CPB1: variants seen among roughly 807,000 people sequenced by gnomAD.
CPB1 encodes carboxypeptidase B.
Under a neutral mutation model 51.4 loss-of-function variants are expected in CPB1, and 53 were observed. That is an observed-to-expected ratio of 1.03 (90% confidence interval 0.83 to 1.30). The LOEUF (loss-of-function observed/expected upper bound fraction) is 1.30. CPB1 is among the 50% of genes most tolerant of loss of function. The pLI is 0.00. For synonymous variants in CPB1, 189 were observed against 186.9 expected, an observed-to-expected ratio of 1.01 and a Z score of -0.09; for missense variants, 494 against 516.2, an observed-to-expected ratio of 0.96 and a Z score of 0.42.
intron 3 of CPB1, among the ~76,000 whole-genome samples, chr3:148,837,580 A>C (rs1284626575): frequency 6.6e-6 from 1 of 151,970 alleles, no homozygotes; most frequent in Non-Finnish European, 1.5e-5. Flanking sequence ...GCTGTGAGGC[A>C]TTGTTTTAAT....
chr3:148,836,477 A>G lies in CPB1; in HGVS notation c.272+1855A>G, dbSNP rs367976963. Among the ~76,000 whole-genome samples, 177 of 152,356 alleles carry G rather than the reference A, an allele frequency of 1.2e-3. 5 individuals carry two copies. The South Asian group carries it at 0.036, about 31-fold the overall frequency. ...AGATCAGCGACCATAGATTAACCCTAGCTACCTGAATGATGTCTTAATTCT... is the reference window on the plus strand; with the variant it reads ...AGATCAGCGACCATAGATTAACCCTGGCTACCTGAATGATGTCTTAATTCT... On this transcript the variant is annotated intron_variant, in intron 3 of 10. Transcript: ENST00000282957.
At chr3:148,831,404 G>A (rs1712733128) in intron 2 of CPB1, among the ~76,000 whole-genome samples, 1 of 152,130 alleles carries the variant, frequency 6.6e-6, no homozygotes, top group South Asian at 2.1e-4. Flanking sequence ...ATTTCACCAA[G>A]ATAAATGAAA....
intron 2 of CPB1, 86 bp downstream of exon 2, chr3:148,828,163 A>C (rs1712628665): frequency 9.5e-6 from 10 of 1,049,246 alleles, no homozygotes; most frequent in Non-Finnish European, 1.4e-5. Context: ...AAAACATGAA[A>C]TATTAACTAT....
chr3:148,837,044 CTG>C (rs1426177455), intron 3 of CPB1, among the ~76,000 whole-genome samples: 4 of 152,222 alleles, frequency 2.6e-5, no homozygotes, highest in South Asian at 2.1e-4. Context: ...AGAAAGATAA[CTG>C]TAATTTTCAA....
rs376486004 is a variant in CPB1, at chr3:148,844,680, C to T, written c.691C>T (p.Arg231Ter). 1.4e-5 allele frequency: 22 copies of T among 1,613,670 alleles called. No individual in the cohort carries two copies. Among genetic ancestry groups the T allele is most frequent in the African/African-American group, 6.7e-5 (5 of 74,866 alleles). Residue 231 changes from arginine (R) to a stop codon, truncating the protein, a stop_gained, in exon 8 of 11, where the codon CGA becomes TGA. Coordinates refer to ENST00000282957, the MANE Select transcript of CPB1 (RefSeq NM_001871.3). LOFTEE classifies it high-confidence loss of function. ...DGYIYTWTKS[R>*]FWRKTRSTHT... is the part of the protein sequence containing the mutation. ...TAACTATGTAGTCCACTTTCAGAGC[C>T]GATTTTGGAGAAAGACTCGCTCCAC...
chr3:148,834,056 A>G (rs1712820563), intron 2 of CPB1, among the ~76,000 whole-genome samples: 1 of 152,220 alleles, frequency 6.6e-6, no homozygotes, highest in African/African-American at 2.4e-5. Flanking sequence ...CTTCCAAGAT[A>G]AACTCATAAA....
intron 9 of CPB1, among the ~76,000 whole-genome samples, chr3:148,852,211 TC>T (rs1436707276): frequency 1.3e-5 from 2 of 152,188 alleles, no homozygotes; most frequent in Non-Finnish European, 2.9e-5. Flanking sequence ...TTAATCTTTT[TC>T]CTAAAATAAA....
chr3:148,847,886 T>C (rs1488619228), intron 9 of CPB1, among the ~76,000 whole-genome samples: 2 of 152,196 alleles, frequency 1.3e-5, no homozygotes. Flanking sequence ...ATCATACTCA[T>C]TGATTTAAAA....
Position 148,840,771 on chromosome 3 carries a change from A to G in CPB1, c.358A>G (p.Asn120Asp). 3.7e-6 allele frequency: 6 copies of G among 1,614,148 alleles called. No individual in the cohort carries two copies. The highest frequency in any genetic ancestry group is 5.1e-6 in the Non-Finnish European group (6 of 1,179,978). The change falls in exon 4 of 11, where the codon AAC (asparagine) becomes GAC (aspartate). Residue 120 changes from asparagine (N) to aspartate (D), a missense_variant. By Grantham distance (23) the Asn-to-Asp change is conservative. Transcript: ENST00000282957. ...AACAGGACACAGTTATGAGAAGTAC[A>G]ACAAGTGGGAAACGGTATGATGTGC... ...RATGHSYEKY[N>D]KWETIEAWTQ...
At chr3:148,848,379 A>G (rs1713316693) in intron 9 of CPB1, among the ~76,000 whole-genome samples, 1 of 152,144 alleles carries the variant, frequency 6.6e-6, no homozygotes, top group South Asian at 2.1e-4. Flanking sequence ...AACAAAAGGT[A>G]GTAAAACATT....
rs141787527 is a variant in CPB1 at position 148,831,782 on chromosome 3, C to G, written c.148-2716C>G. ...ATAGTTTAATTCCCTACATCTACAT[C>G]CTATATTTCACTCCATGTTTATATT... is the stretch of plus-strand genomic sequence containing the variant. On this transcript the variant is annotated intron_variant, in intron 2 of 10. Transcript: ENST00000282957. Among the ~76,000 whole-genome samples, 125 of 152,278 alleles carry G rather than the reference C, an allele frequency of 8.2e-4. No homozygotes were observed. The East Asian group carries it at 0.024, about 29-fold the overall frequency.
intron 9 of CPB1, among the ~76,000 whole-genome samples, 192 bp downstream of exon 9, chr3:148,845,818 G>T (rs1476817783): frequency 6.6e-6 from 1 of 152,104 alleles, no homozygotes; most frequent in Non-Finnish European, 1.5e-5. Flanking sequence ...TTTCACGCAG[G>T]AAATTGTTCC....
intron 10 of CPB1, among the ~76,000 whole-genome samples, chr3:148,857,892 C>G (rs530991013): frequency 2.4e-4 from 36 of 152,152 alleles, no homozygotes; most frequent in African/African-American, 8.7e-4. Flanking sequence ...GAGCAGGACC[C>G]TATCTCAAAA....
chr3:148,830,251 C>G (rs1449624732), intron 2 of CPB1, among the ~76,000 whole-genome samples: 2 of 152,124 alleles, frequency 1.3e-5, no homozygotes, highest in African/African-American at 2.4e-5. Context: ...GTGAGCCCTT[C>G]GAGCTCTGAT....
chr3:148,833,119 G>A (rs951191964), intron 2 of CPB1, among the ~76,000 whole-genome samples: 6 of 152,072 alleles, frequency 3.9e-5, no homozygotes, highest in African/African-American at 1.4e-4. Flanking sequence ...TGCTTTCTCT[G>A]TCCTTATCTT....
chr3:148,828,156 A>AT (rs1712628276), intron 2 of CPB1, 79 bp downstream of exon 2: 4 of 1,136,706 alleles, frequency 3.5e-6, no homozygotes, highest in Middle Eastern at 2.4e-4. Flanking sequence ...GGAAAAAAAA[A>AT]CATGAAATAT....
At chr3:148,851,254 G>C (rs1378243206) in intron 9 of CPB1, 1 of 143,408 alleles carries the variant, frequency 7.0e-6, no homozygotes, top group African/African-American at 2.6e-5. Flanking sequence ...GAATCCATTT[G>C]AACCCAGGAG....
At chr3:148,843,605 C>T (rs1713152616) in intron 6 of CPB1, among the ~76,000 whole-genome samples, 1 of 151,954 alleles carries the variant, frequency 6.6e-6, no homozygotes, top group East Asian at 1.9e-4. Context: ...ACCCAAAAAG[C>T]ACATGCTTTA....
At chr3:148,858,130 G>C (rs1257781085) in intron 10 of CPB1, among the ~76,000 whole-genome samples, 1 of 152,142 alleles carries the variant, frequency 6.6e-6, no homozygotes, top group East Asian at 1.9e-4. Context: ...AGTCTTTTGT[G>C]ATACAGGTGC....
Sources: allele counts gnomAD v4.1 joint callset (sites outside exome capture counted in the v4.1 genomes callset), GRCh38; gene constraint gnomAD v4.1.1; transcripts MANE v1.5; gene names NCBI Gene and HGNC (gene_info 2026-07-23, HGNC 2026-07-21).